BOLA3: variants seen among roughly 807,000 people sequenced by gnomAD.
BOLA3 encodes bolA-like protein 3.
BOLA3 carries 8 observed loss-of-function variants against 14.5 expected under a neutral mutation model. That is an observed-to-expected ratio of 0.55 (90% CI 0.32 to 0.99). The LOEUF (loss-of-function observed/expected upper bound fraction) is 0.99, where lower values mean the gene tolerates loss of function less well. Among genes scored for constraint, BOLA3 ranks in the 50% least tolerant of loss-of-function variants. The pLI, the probability that BOLA3 is intolerant of heterozygous loss-of-function variation, is 0.04. For synonymous variants in BOLA3, 42 were observed against 45.7 expected, an observed-to-expected ratio of 0.92 and a Z score of 0.33; for missense variants, 115 against 138.2, an observed-to-expected ratio of 0.83 and a Z score of 0.84.
intron 1 of BOLA3, chr2:74,145,615 GAT>G (rs1210338190): frequency 2.5e-6 from 1 of 395,268 alleles, no homozygotes; most frequent in Non-Finnish European, 4.8e-6. Context: ...CTATTATGCC[GAT>G]AGTTTTATAG....
chr2:74,142,262 C>T lies in BOLA3; in HGVS notation c.258+10G>A, dbSNP rs1172574398. ...GGCCAGTGGCAAGGGGCACTGTTGC[C>T]TCTACTGACCTGATTAACCATCTGG... On this transcript the variant is annotated intron_variant, in intron 3 of 3. Transcript: ENST00000327428. The T allele has an allele frequency of 6.2e-7, 1 of 1,606,988 alleles. No homozygotes were observed. The highest frequency in any genetic ancestry group is 1.7e-5 in the Admixed American group (1 of 60,024).
In BOLA3 at chr2:74,135,454, T is replaced by G; in HGVS notation, c.*139A>C. 1 of 1,275,998 alleles carries G rather than the reference T, an allele frequency of 7.8e-7. No individual in the cohort carries two copies. The highest frequency in any genetic ancestry group is 1.5e-5 in the African/African-American group (1 of 67,020). 79.0% of individuals were successfully genotyped at this position (1,275,998 alleles called of 1,614,324 possible). On this transcript the variant is annotated 3_prime_UTR_variant, in exon 4 of 4. Transcript: ENST00000327428. ...TCCTTTAATTAACATCTAAATAGAT[T>G]ATACATCTTCTATAATTATAATATG...
At chr2:74,143,967 G>A (rs551115915) in intron 2 of BOLA3, among the ~76,000 whole-genome samples, 2 of 149,514 alleles carry the variant, frequency 1.3e-5, no homozygotes, top group East Asian at 3.9e-4. Flanking sequence ...CAAAGTGCTG[G>A]GATTACAGAC....
At chr2:74,146,342 G>A (rs1436471713) in intron 1 of BOLA3, 1 of 152,262 alleles carries the variant, frequency 6.6e-6, no homozygotes, top group African/African-American at 2.4e-5. Flanking sequence ...TAGTAGTGAA[G>A]GAGCAGAAAA....
chr2:74,138,045 C>T (rs1692365840), intron 3 of BOLA3, among the ~76,000 whole-genome samples: 1 of 152,184 alleles, frequency 6.6e-6, no homozygotes. Flanking sequence ...CCACTCAGGC[C>T]CTGCGCACTC....
At chr2:74,138,903 T>C (rs1300963529) in intron 3 of BOLA3, among the ~76,000 whole-genome samples, 1 of 152,222 alleles carries the variant, frequency 6.6e-6, no homozygotes, top group Non-Finnish European at 1.5e-5. Flanking sequence ...GGCAACTCAG[T>C]GATCACCGTG....
intron 3 of BOLA3, among the ~76,000 whole-genome samples, chr2:74,135,936 T>C (rs1189539510): frequency 6.7e-6 from 1 of 149,590 alleles, no homozygotes; most frequent in African/African-American, 2.5e-5. Flanking sequence ...CTGTTGTTAG[T>C]TTCTTGTGTA....
At chr2:74,141,452 G>T (rs1439436961) in intron 3 of BOLA3, among the ~76,000 whole-genome samples, 5 of 152,032 alleles carry the variant, frequency 3.3e-5, no homozygotes, top group Non-Finnish European at 5.9e-5. Context: ...AGTGGAGGAC[G>T]GGAGGAAGGG....
At position 74,147,862 on chromosome 2, in the gene BOLA3, T is replaced by A; in HGVS notation, c.13A>T (p.Ser5Cys). The change falls in exon 1 of 4, where the codon AGC becomes TGC. Residue 5 changes from serine to cysteine, a missense_variant. Physicochemically the swap from Ser to Cys is moderately radical, Grantham distance 112. Coordinates refer to ENST00000327428, the MANE Select transcript of BOLA3 (RefSeq NM_212552.3). ...AGGAGAGGCGCTGCCGCGGCCGGGCTCCATGCAGCCATGCCCGGCCGACGT... is the reference window on the plus strand; with the variant it reads ...AGGAGAGGCGCTGCCGCGGCCGGGCACCATGCAGCCATGCCCGGCCGACGT... The part of the protein sequence containing the change: MAAW[S>C]PAAAAPLLRG... 6.6e-7 allele frequency: 1 copy of A among 1,524,146 alleles called. No homozygotes were observed. Among genetic ancestry groups the A allele is most frequent in the South Asian group, 1.2e-5 (1 of 82,888 alleles). 94.4% of individuals were successfully genotyped at this position (1,524,146 alleles called of 1,614,324 possible).
At chr2:74,136,727 C>G (rs1692338945) in intron 3 of BOLA3, among the ~76,000 whole-genome samples, 2 of 152,206 alleles carry the variant, frequency 1.3e-5, no homozygotes, top group African/African-American at 4.8e-5. Flanking sequence ...AACTTTTAGG[C>G]TGTTTCCTGT....
At chr2:74,142,676 C>A (rs1017333163) in intron 2 of BOLA3, among the ~76,000 whole-genome samples, 2 of 152,128 alleles carry the variant, frequency 1.3e-5, no homozygotes, top group African/African-American at 4.8e-5. Context: ...TTTCACTAGG[C>A]CAATAAACGC....
At chr2:74,136,995 A>C (rs1692343762) in intron 3 of BOLA3, among the ~76,000 whole-genome samples, 1 of 152,176 alleles carries the variant, frequency 6.6e-6, no homozygotes, top group Non-Finnish European at 1.5e-5. Flanking sequence ...CAAGTTTATA[A>C]TCAGTACAGA....
chr2:74,139,143 AG>A (rs1380423491), intron 3 of BOLA3, among the ~76,000 whole-genome samples: 3 of 152,076 alleles, frequency 2.0e-5, no homozygotes, highest in African/African-American at 7.2e-5. Flanking sequence ...GGGTGCCGAC[AG>A]GGGGCGCCCC....
intron 2 of BOLA3, among the ~76,000 whole-genome samples, chr2:74,143,979 T>C (rs989100175): frequency 2.1e-5 from 3 of 145,708 alleles, no homozygotes; most frequent in South Asian, 2.2e-4. Context: ...ATTACAGACA[T>C]GAGCCACCGC....
rs1199364938 is a variant in BOLA3, at chr2:74,135,616, A to G, written c.301T>C (p.Phe101Leu). Residue 101 changes from phenylalanine (F) to leucine (L), a missense_variant, in exon 4 of 4, where the codon TTT becomes CTT. Coordinates refer to ENST00000327428, the MANE Select transcript of BOLA3 (RefSeq NM_212552.3). Reference sequence around the variant, plus strand: ...GGTCAGCGTTTGGGGACAGAGGTAAATATCCGCAATCCATGCATCTCTTTG... The same window carrying G: ...GGTCAGCGTTTGGGGACAGAGGTAAGTATCCGCAATCCATGCATCTCTTTG... ...EIKEMHGLRI[F>L]TSVPKR 6.2e-7 allele frequency: 1 copy of G among 1,614,148 alleles called. No homozygotes were observed. Among genetic ancestry groups the G allele is most frequent in the South Asian group, 1.1e-5 (1 of 91,064 alleles).
At chr2:74,144,780 T>C (rs1692514189) in intron 2 of BOLA3, among the ~76,000 whole-genome samples, 1 of 152,162 alleles carries the variant, frequency 6.6e-6, no homozygotes, top group African/African-American at 2.4e-5. Context: ...CATTTCCTCT[T>C]AGGGAAAGTA....
chr2:74,146,757 A>G (rs1258255280), intron 1 of BOLA3: 2 of 152,370 alleles, frequency 1.3e-5, no homozygotes, highest in African/African-American at 4.8e-5. Context: ...TGAGCTGTGC[A>G]CTGGCTCTCT....
At chr2:74,146,468 T>C (rs1572945020) in intron 1 of BOLA3, 1 of 152,342 alleles carries the variant, frequency 6.6e-6, no homozygotes, top group Admixed American at 6.5e-5. Flanking sequence ...GGACAGGAGA[T>C]GGGACTCCAG....
At chr2:74,145,121 T>C (rs1692520008) in intron 2 of BOLA3, 68 bp downstream of exon 2, 1 of 882,302 alleles carries the variant, frequency 1.1e-6, no homozygotes, top group Admixed American at 1.7e-5. Context: ...TCCAAGCCCC[T>C]GACCCTCTGT....
Sources: allele counts gnomAD v4.1 joint callset (sites outside exome capture counted in the v4.1 genomes callset), GRCh38; gene constraint gnomAD v4.1.1; transcripts MANE v1.5; gene names NCBI Gene and HGNC (gene_info 2026-07-23, HGNC 2026-07-21).